ERC1: variants seen among roughly 807,000 people sequenced by gnomAD.
The protein encoded by ERC1 is ELKS/RAB6-interacting/CAST family member 1, also known as RAB6 interacting protein 2.
Under a neutral mutation model 132.0 loss-of-function variants are expected in ERC1, and 56 were observed. The observed-to-expected ratio is 0.42, with a 90% confidence interval of 0.34 to 0.53. The LOEUF (loss-of-function observed/expected upper bound fraction) is 0.53. ERC1 is among the 20% of genes least tolerant of loss of function. The pLI is 0.03. For missense variants in ERC1, 1,202 were observed against 1,349.9 expected, an observed-to-expected ratio of 0.89 and a Z score of 1.72; for synonymous variants, 478 against 476.1, an observed-to-expected ratio of 1.00 and a Z score of -0.05.
intron 1 of ERC1, among the ~76,000 whole-genome samples, chr12:995,999 A>G (rs1960762296): frequency 6.6e-6 from 1 of 152,132 alleles, no homozygotes; most frequent in African/African-American, 2.4e-5. Flanking sequence ...CTTGATTATG[A>G]TGTCTAATAA....
intron 1 of ERC1, chr12:991,706 A>T (rs1959388403): frequency 6.6e-6 from 1 of 152,112 alleles, no homozygotes; most frequent in South Asian, 2.1e-4. Context: ...GAGGCTTAGG[A>T]CTAGTGAAGC....
chr12:1,126,046 T>C (rs1320296649), intron 7 of ERC1, among the ~76,000 whole-genome samples: 2 of 152,220 alleles, frequency 1.3e-5, no homozygotes, highest in Non-Finnish European at 2.9e-5. Context: ...AAATGAGTTC[T>C]GGAGATTGGT....
intron 3 of ERC1, among the ~76,000 whole-genome samples, chr12:1,094,134 T>C (rs1052341907): frequency 2.1e-4 from 32 of 149,826 alleles, no homozygotes; most frequent in African/African-American, 7.3e-4. Context: ...TTCTTCTGCC[T>C]CGGCCTCCTG....
intron 12 of ERC1, among the ~76,000 whole-genome samples, chr12:1,228,411 T>G (rs532460469): frequency 6.6e-6 from 1 of 152,386 alleles, no homozygotes; most frequent in Non-Finnish European, 1.5e-5. Context: ...TTACTGAACT[T>G]ACTATAATAG....
chr12:1,006,987 T>G (rs538603104), intron 1 of ERC1, among the ~76,000 whole-genome samples: 2 of 150,722 alleles, frequency 1.3e-5, no homozygotes, highest in Non-Finnish European at 3.0e-5. Flanking sequence ...GTATAGTATA[T>G]AGTGTATATA....
intron 15 of ERC1, among the ~76,000 whole-genome samples, chr12:1,296,749 T>A (rs1351338887): frequency 6.6e-6 from 1 of 152,190 alleles, no homozygotes; most frequent in African/African-American, 2.4e-5. Flanking sequence ...AAAGAGTCAG[T>A]GAACTTCAAA....
At chr12:1,106,367 A>G (rs1945267944) in intron 4 of ERC1, among the ~76,000 whole-genome samples, 1 of 152,228 alleles carries the variant, frequency 6.6e-6, no homozygotes, top group African/African-American at 2.4e-5. Flanking sequence ...CATATCCTCT[A>G]GAAAGCTCAA....
chr12:1,309,643 T>C (rs1454029896), intron 15 of ERC1, among the ~76,000 whole-genome samples: 3 of 152,024 alleles, frequency 2.0e-5, no homozygotes, highest in Non-Finnish European at 4.4e-5. Context: ...TCTCTCACTC[T>C]TGCTCTAACA....
At chr12:1,388,209 C>T (rs535211802) in intron 16 of ERC1, among the ~76,000 whole-genome samples, 127 of 152,006 alleles carry the variant, frequency 8.4e-4, no homozygotes, top group Non-Finnish European at 1.5e-3. Flanking sequence ...ATTAGCCAGG[C>T]GTGGTGGTGG....
chr12:1,022,849 C>G (rs1043625378), intron 1 of ERC1, among the ~76,000 whole-genome samples: 6 of 152,138 alleles, frequency 3.9e-5, no homozygotes, highest in Non-Finnish European at 7.4e-5. Context: ...AACTCCTGAC[C>G]TCAAGTGATC....
intron 16 of ERC1, among the ~76,000 whole-genome samples, chr12:1,401,723 T>C (rs1390188630): frequency 1.4e-5 from 2 of 147,294 alleles, no homozygotes; most frequent in Non-Finnish European, 3.0e-5. Context: ...GGCTTGGAAA[T>C]TGACTATTTT....
chr12:1,049,747 C>CTTTTTTTT (rs35361881), intron 2 of ERC1, among the ~76,000 whole-genome samples: 1 of 113,018 alleles, frequency 8.8e-6, no homozygotes, highest in Admixed American at 9.5e-5. Context: ...GTTTTGTGAT[C>CTTTTTTTT]TTTTTTTTTT....
chr12:1,350,403 A>G (rs1002138099), intron 15 of ERC1, among the ~76,000 whole-genome samples: 1 of 152,204 alleles, frequency 6.6e-6, no homozygotes, highest in Admixed American at 6.5e-5. Flanking sequence ...GTTTACTGTA[A>G]TAAAGTACAC....
rs146804563 is a variant in ERC1, at chr12:1,424,585, G to A, written c.3024+16338G>A. On this transcript the variant is annotated intron_variant, in intron 17 of 18. Coordinates refer to ENST00000360905, the MANE Select transcript of ERC1 (RefSeq NM_178040.4). ...TAATTCTAAAGATCCTCAAGGCAGT[G>A]GTGTCTTAACCAGGAAGACAGGAGA... is the stretch of plus-strand genomic sequence containing the variant. 3.9e-5 allele frequency among the ~76,000 whole-genome samples: 6 copies of A among 152,240 alleles called. No homozygotes were observed. The East Asian group carries it at 1.2e-3, about 29-fold the overall frequency.
chr12:1,187,144 C>G (rs1455225549), intron 11 of ERC1, among the ~76,000 whole-genome samples: 3 of 152,030 alleles, frequency 2.0e-5, no homozygotes, highest in African/African-American at 7.2e-5. Context: ...TTAGAAATCC[C>G]TTTTAAAGGG....
In ERC1 at chr12:1,485,389, G is replaced by C. The variant is rs529606141; in HGVS notation, c.3214-4704G>C. Among the ~76,000 whole-genome samples the C allele has an allele frequency of 6.6e-5, 10 of 151,718 alleles. 1 individual carries two copies. In the South Asian group the frequency reaches 1.7e-3, roughly 25 times the overall value. Reference sequence around the variant, plus strand: ...CTGGCTAGTTTTTGTATTTTTAGTAGAGACAGAGTTTCACCACATTGGCCA... The same window carrying C: ...CTGGCTAGTTTTTGTATTTTTAGTACAGACAGAGTTTCACCACATTGGCCA... On this transcript the variant is annotated intron_variant, in intron 18 of 18. Coordinates refer to ENST00000360905, the MANE Select transcript of ERC1 (RefSeq NM_178040.4).
chr12:1,080,645 G>A (rs781483550), intron 2 of ERC1, among the ~76,000 whole-genome samples: 2 of 152,162 alleles, frequency 1.3e-5, no homozygotes, highest in Admixed American at 6.5e-5. Flanking sequence ...AGTCTCACGA[G>A]ATCTGATGGG....
At chr12:1,058,026 G>GT (rs1197903219) in intron 2 of ERC1, among the ~76,000 whole-genome samples, 5 of 151,424 alleles carry the variant, frequency 3.3e-5, no homozygotes, top group Admixed American at 6.6e-5. Flanking sequence ...TTTTGTTTTT[G>GT]TTTTTTTGTT....
chr12:1,389,374 G>A (rs2089734608), intron 16 of ERC1, among the ~76,000 whole-genome samples: 1 of 152,190 alleles, frequency 6.6e-6, no homozygotes. Flanking sequence ...GCTTGCTTAA[G>A]AGAGAATATA....
Sources: gnomAD v4.1 joint callset for allele counts (sites outside exome capture counted in the v4.1 genomes callset) on GRCh38, gnomAD v4.1.1 for gene constraint, MANE v1.5 for transcripts, NCBI Gene and HGNC (gene_info 2026-07-23, HGNC 2026-07-21) for gene names.